Variants in CDHR2 observed in about 807,000 individuals in gnomAD.
CDHR2 encodes cadherin related family member 2, also known as cadherin-related family member 2.
In CDHR2, 104 loss-of-function variants were observed where a neutral mutation model predicts 138.6. That is an observed-to-expected ratio of 0.75 (90% confidence interval 0.64 to 0.88). The LOEUF (loss-of-function observed/expected upper bound fraction) is 0.88. Among genes scored for constraint, CDHR2 ranks in the 40% least tolerant of loss-of-function variants. CDHR2 has a pLI of 0.00. For missense variants in CDHR2, 1,624 were observed against 1,727.6 expected (o/e 0.94, Z 1.06); for synonymous variants, 755 against 742.8 (o/e 1.02, Z -0.27).
intron 1 of CDHR2, among the ~76,000 whole-genome samples, chr5:176,551,702 T>TC (rs1757708283): frequency 4.8e-4 from 1 of 2,090 alleles, no homozygotes; most frequent in Non-Finnish European, 2.7e-3. Flanking sequence ...AAGAGTTCTC[T>TC]TTTTTTTTTT....
chr5:176,585,817 GC>G, intron 19 of CDHR2, 136 bp from the exon 20 acceptor site: 1 of 680,928 alleles, frequency 1.5e-6, no homozygotes, highest in East Asian at 2.6e-5. Flanking sequence ...AGGCTGCGGG[GC>G]ACAGGGTTGA....
chr5:176,557,146 G>T (rs1757851515), intron 1 of CDHR2, among the ~76,000 whole-genome samples: 1 of 13,160 alleles, frequency 7.6e-5, no homozygotes, highest in South Asian at 0.017. Flanking sequence ...CTCACGAGTA[G>T]CTAGGACCAC....
chr5:176,566,121 G>T (rs1758073446), intron 3 of CDHR2, among the ~76,000 whole-genome samples: 1 of 151,792 alleles, frequency 6.6e-6, no homozygotes, highest in African/African-American at 2.4e-5. Context: ...AGGGAGAGCA[G>T]GTGTCAGGCT....
chr5:176,547,301 G>A (rs978594427), upstream of CDHR2: 1 of 152,106 alleles, frequency 6.6e-6, no homozygotes, highest in African/African-American at 2.4e-5. Flanking sequence ...GATGGATGCT[G>A]GACTCAATGG....
At position 176,595,630 on chromosome 5, in the gene CDHR2, G is replaced by A. The variant is rs1261568398; in HGVS notation, c.3891G>A (p.Gly1297=). Residue 1297 remains glycine (G), a synonymous_variant, in exon 32 of 32, where the codon GGG becomes GGA. Coordinates refer to ENST00000261944, the MANE Select transcript of CDHR2 (RefSeq NM_017675.6). ...CAGGCGCAAGTGGACAGCTGGAGGG[G>A]CCATCCTACACCAACGCTGGCCTGG... The part of the protein sequence containing the change: ...RQAGASGQLE[G]PSYTNAGLDT... 63 of 1,611,534 alleles carry A rather than the reference G, an allele frequency of 3.9e-5. No individual in the cohort carries two copies. In the East Asian group the frequency reaches 1.4e-3, roughly 36 times the overall value.
At chr5:176,588,586 GGTGT>G (rs376403988) in intron 21 of CDHR2, among the ~76,000 whole-genome samples, 25 of 137,032 alleles carry the variant, frequency 1.8e-4, no homozygotes, top group African/African-American at 5.9e-4. Context: ...TGTGTGTGAG[GGTGT>G]GTATGAGTGT....
chr5:176,573,897 G>A (rs761988009), intron 6 of CDHR2, among the ~76,000 whole-genome samples, 186 bp from the exon 7 acceptor site: 39 of 152,126 alleles, frequency 2.6e-4, no homozygotes, highest in Non-Finnish European at 4.6e-4. Context: ...GGGAGGGGAG[G>A]AGGGAGATCC....
chr5:176,552,438 G>T (rs978385569), intron 1 of CDHR2, among the ~76,000 whole-genome samples: 1 of 152,232 alleles, frequency 6.6e-6, no homozygotes, highest in African/African-American at 2.4e-5. Flanking sequence ...GTGGGAGAGA[G>T]CAGCTCGTGT....
chr5:176,592,111 G>T (rs1479995583), intron 30 of CDHR2, among the ~76,000 whole-genome samples: 3 of 139,416 alleles, frequency 2.2e-5, no homozygotes, highest in African/African-American at 5.2e-5. Context: ...GGTGGTGATG[G>T]TGATGGTAGT....
At chr5:176,550,212 C>T (rs1365333722) in intron 1 of CDHR2, among the ~76,000 whole-genome samples, 1 of 152,252 alleles carries the variant, frequency 6.6e-6, no homozygotes, top group Non-Finnish European at 1.5e-5. Flanking sequence ...TTTTTATCCT[C>T]ACTCTGCTTC....
chr5:176,589,282 G>A (rs1241827104), intron 22 of CDHR2, 48 bp from the exon 23 acceptor site: 2 of 1,573,462 alleles, frequency 1.3e-6, no homozygotes, highest in Non-Finnish European at 1.7e-6. Context: ...GGGTCCTGAG[G>A]ATTCAGCTTG....
At position 176,568,740 on chromosome 5, in the gene CDHR2, A is replaced by C. The variant is rs755214796; in HGVS notation, c.187A>C (p.Ser63Arg). 4.3e-6 allele frequency: 7 copies of C among 1,614,206 alleles called. No homozygotes were observed. The highest frequency in any genetic ancestry group is 5.1e-6 in the Non-Finnish European group (6 of 1,180,022). Residue 63 changes from serine (S) to arginine (R), a missense_variant, in exon 4 of 32, where the codon AGC becomes CGC. Physicochemically the swap from Ser to Arg is moderately radical, Grantham distance 110 (BLOSUM62 -1). Transcript: ENST00000261944. ...CAATGACCCTCTGACCTATGGGATG[A>C]GCGGCCCCAATGCCTACTTCTTCGC... ...QDNDPLTYGM[S>R]GPNAYFFAVT...
intron 1 of CDHR2, among the ~76,000 whole-genome samples, chr5:176,563,023 G>C (rs996568851): frequency 1.3e-5 from 2 of 152,166 alleles, no homozygotes; most frequent in Non-Finnish European, 2.9e-5. Context: ...TCAGGAGAAA[G>C]TTACTGAAAT....
Position 176,577,737 on chromosome 5 carries a change from T to G in CDHR2, c.1451T>G (p.Leu484Trp). The G allele has an allele frequency of 6.2e-7, 1 of 1,614,164 alleles. No homozygotes were observed. The highest frequency in any genetic ancestry group is 1.1e-5 in the South Asian group (1 of 91,078). ...CACAGGCCCACGTTTCCCCAGAGCT[T>G]GTACGTCCTCACGGTGCCAGAGCAC... ...NDHRPTFPQS[L>W]YVLTVPEHSA... The change falls in exon 14 of 32, where the codon TTG becomes TGG. Residue 484 changes from leucine (L) to tryptophan (W), a missense_variant. Leu to Trp is a moderately conservative substitution (Grantham distance 61). Transcript: ENST00000261944.
chr5:176,581,697 G>A lies in CDHR2; in HGVS notation c.2058+115G>A, dbSNP rs538789345. The A allele has an allele frequency of 4.5e-5, 62 of 1,374,664 alleles. No homozygotes were observed. The East Asian group carries it at 6.5e-4, about 14-fold the overall frequency. The allele number at this position is 1,374,664 out of a possible 1,614,324, so 85.2% of individuals were successfully genotyped here. A position where few individuals can be genotyped will look rare whatever the true frequency, so the allele number is the denominator to read the frequency against. On this transcript the variant is annotated intron_variant, in intron 17 of 31. Coordinates refer to ENST00000261944, the MANE Select transcript of CDHR2 (RefSeq NM_017675.6). ...GCCAGCCTGCCTGGGTTACAATCCC[G>A]CTCACTCGTATGGCCCCAGGCAATT... is the stretch of plus-strand genomic sequence containing the variant.
intron 21 of CDHR2, 75 bp downstream of exon 21, chr5:176,586,917 A>G: frequency 2.3e-6 from 3 of 1,279,218 alleles, no homozygotes; most frequent in Non-Finnish European, 3.3e-6. Flanking sequence ...CAGGCCTTCC[A>G]TGGTAGAAAG....
At chr5:176,546,327 A>C (rs1757584337), upstream of CDHR2, among the ~76,000 whole-genome samples, 2 of 152,144 alleles carry the variant, frequency 1.3e-5, no homozygotes, top group Non-Finnish European at 1.5e-5. Context: ...TGGGGAAAAA[A>C]ATCATCCCTG....
rs1454398445 is a variant in CDHR2, at chr5:176,565,755, T to C, written c.124+12T>C. On this transcript the variant is annotated intron_variant, in intron 3 of 31. Coordinates refer to ENST00000261944, the MANE Select transcript of CDHR2 (RefSeq NM_017675.6). ...GGACCTGCCTGTGGGTGAGTCCCGG[T>C]CCCTGTGTCTGCCCCATGTCAGGTC... 6 of 1,610,026 alleles carry C rather than the reference T, an allele frequency of 3.7e-6. No homozygotes were observed. Among genetic ancestry groups the C allele is most frequent in the Non-Finnish European group, 5.1e-6 (6 of 1,176,998 alleles).
At chr5:176,563,289 A>C (rs1450234066) in intron 1 of CDHR2, among the ~76,000 whole-genome samples, 1 of 152,164 alleles carries the variant, frequency 6.6e-6, no homozygotes, top group Non-Finnish European at 1.5e-5. Flanking sequence ...CAGAGGTTGC[A>C]GTGAGCCGAG....
Sources: gnomAD v4.1 joint callset for allele counts (sites outside exome capture counted in the v4.1 genomes callset) on GRCh38, gnomAD v4.1.1 for gene constraint, MANE v1.5 for transcripts, NCBI Gene and HGNC (gene_info 2026-07-23, HGNC 2026-07-21) for gene names.